Variants in SFMBT2 observed in about 807,000 individuals in gnomAD.
The protein encoded by SFMBT2 is scm-like with four MBT domains protein 2.
In SFMBT2, 38 loss-of-function variants were observed where a neutral mutation model predicts 110.1. That is an observed-to-expected ratio of 0.35 (90% CI 0.27 to 0.45). The LOEUF is 0.45. Ranked by LOEUF, SFMBT2 falls within the 20% of genes least tolerant of loss-of-function variation. The probability of loss-of-function intolerance (pLI) is 1.00; values close to 1 mark genes in which losing one functional copy is unlikely to be tolerated. For synonymous variants in SFMBT2, 425 were observed against 425.4 expected (o/e 1.00, Z 0.01); for missense variants, 1,011 against 1,094.9 (o/e 0.92, Z 1.08).
At chr10:7,350,429 C>A (rs1167297704) in intron 4 of SFMBT2, among the ~76,000 whole-genome samples, 1 of 152,190 alleles carries the variant, frequency 6.6e-6, no homozygotes, top group Non-Finnish European at 1.5e-5. Context: ...CTCTTCCGGG[C>A]CAGCCTTATT....
intron 4 of SFMBT2, among the ~76,000 whole-genome samples, chr10:7,337,892 A>T (rs1228870151): frequency 6.6e-6 from 1 of 152,214 alleles, no homozygotes; most frequent in East Asian, 1.9e-4. Flanking sequence ...TTAATCTTCA[A>T]ATACTTTCTG....
At chr10:7,333,002 G>A (rs780360552) in intron 4 of SFMBT2, among the ~76,000 whole-genome samples, 3 of 152,298 alleles carry the variant, frequency 2.0e-5, no homozygotes, top group Non-Finnish European at 4.4e-5. Flanking sequence ...GAGTAACTGG[G>A]ATTACAGGCG....
chr10:7,201,710 C>A (rs952292376), intron 13 of SFMBT2, among the ~76,000 whole-genome samples: 2 of 152,086 alleles, frequency 1.3e-5, no homozygotes, highest in Admixed American at 6.5e-5. Context: ...TACATTTTGG[C>A]GTATTTTAAA....
chr10:7,277,245 T>C (rs1841810722), intron 6 of SFMBT2: 1 of 153,486 alleles, frequency 6.5e-6, no homozygotes, highest in Admixed American at 6.5e-5. Context: ...TTGTATGCAT[T>C]TAGTTGGCAT....
At chr10:7,303,121 G>A (rs1318321630) in intron 4 of SFMBT2, among the ~76,000 whole-genome samples, 3 of 152,096 alleles carry the variant, frequency 2.0e-5, no homozygotes, top group Admixed American at 6.5e-5. Flanking sequence ...TATTGCATGT[G>A]GCAGTTCTTG....
At chr10:7,180,027 G>A (rs897959594) in intron 16 of SFMBT2, among the ~76,000 whole-genome samples, 1 of 152,250 alleles carries the variant, frequency 6.6e-6, no homozygotes, top group Middle Eastern at 3.2e-3. Flanking sequence ...TGGGGAAGCT[G>A]GCGGATGGCG....
intron 4 of SFMBT2, chr10:7,320,711 T>C (rs1291296692): frequency 6.0e-6 from 4 of 662,958 alleles, no homozygotes; most frequent in Admixed American, 6.3e-5. Flanking sequence ...CTAACCTCAG[T>C]GTTTTGCGGG....
At chr10:7,353,413 G>A (rs758749995) in intron 4 of SFMBT2, among the ~76,000 whole-genome samples, 7 of 151,488 alleles carry the variant, frequency 4.6e-5, no homozygotes, top group Admixed American at 6.6e-5. Context: ...ATCCAATGAC[G>A]GAAACAGAAA....
At position 7,163,989 on chromosome 10, in the gene SFMBT2, C is replaced by A; in HGVS notation, c.2545-79G>T. ...AGATGCGTCACAGCAGGCTCCAGTC[C>A]GGGGCCAAACATGACAACAGGATGC... On this transcript the variant is annotated intron_variant, in intron 20 of 20. Transcript: ENST00000397167. The surrounding 1 kb of genome is among the most constrained non-coding windows in gnomAD (Gnocchi z 4.8). 2 of 1,499,434 alleles carry A rather than the reference C, an allele frequency of 1.3e-6. No homozygotes were observed. Among genetic ancestry groups the A allele is most frequent in the South Asian group, 1.4e-5 (1 of 73,632 alleles). The allele number at this position is 1,499,434 out of a possible 1,614,324, so 92.9% of individuals were successfully genotyped here.
intron 7 of SFMBT2, among the ~76,000 whole-genome samples, chr10:7,272,023 C>T (rs888742872): frequency 6.6e-6 from 1 of 152,130 alleles, no homozygotes; most frequent in Admixed American, 6.5e-5. Context: ...AAGGGCGTTA[C>T]AGAAACATAA....
chr10:7,197,399 G>A, intron 15 of SFMBT2, 149 bp downstream of exon 15: 3 of 1,077,818 alleles, frequency 2.8e-6, no homozygotes, highest in Non-Finnish European at 4.0e-6. Flanking sequence ...TGTATCTCTG[G>A]CTTCAGCCCA....
At chr10:7,323,647 AT>A (rs1159745298) in intron 4 of SFMBT2, among the ~76,000 whole-genome samples, 3 of 152,062 alleles carry the variant, frequency 2.0e-5, no homozygotes, top group African/African-American at 7.2e-5. Flanking sequence ...TGCTGTGCAG[AT>A]TTTTTTAATT....
chr10:7,220,161 G>A (rs955428230), intron 11 of SFMBT2, among the ~76,000 whole-genome samples: 1 of 152,168 alleles, frequency 6.6e-6, no homozygotes, highest in Non-Finnish European at 1.5e-5. Flanking sequence ...GATGTAAAAA[G>A]ACCACTGTGT....
At chr10:7,390,542 T>A (rs1331529523) in intron 1 of SFMBT2, among the ~76,000 whole-genome samples, 1 of 152,168 alleles carries the variant, frequency 6.6e-6, no homozygotes, top group Admixed American at 6.5e-5. Flanking sequence ...GACTATTTGC[T>A]TTTTTTCATT....
chr10:7,172,440 G>A lies in SFMBT2; in HGVS notation c.2151+55C>T, dbSNP rs563644345. 165 of 1,610,436 alleles carry A rather than the reference G, an allele frequency of 1.0e-4. No homozygotes were observed. Among genetic ancestry groups the A allele is most frequent in the Admixed American group, 2.8e-4 (17 of 59,824 alleles). On this transcript the variant is annotated intron_variant, in intron 18 of 20. Transcript: ENST00000397167. The surrounding 1 kb of genome is among the most constrained non-coding windows in gnomAD (Gnocchi z 4.6). ...CTGCTGTGAAGCAGCCACACTTGCC[G>A]GCCAGGGCCAGATGACAGAGCTACA... is the stretch of plus-strand genomic sequence containing the variant.
At chr10:7,272,269 C>CT (rs998226376) in intron 7 of SFMBT2, among the ~76,000 whole-genome samples, 5 of 152,096 alleles carry the variant, frequency 3.3e-5, no homozygotes, top group Non-Finnish European at 5.9e-5. Context: ...AGTCCAGAGA[C>CT]TTTTTTTAAA....
chr10:7,296,601 C>T (rs1025062799), intron 4 of SFMBT2, among the ~76,000 whole-genome samples: 2 of 152,158 alleles, frequency 1.3e-5, no homozygotes, highest in Non-Finnish European at 2.9e-5. Flanking sequence ...CATTAACATG[C>T]CCTTAGGTAT....
chr10:7,302,867 T>C (rs1842590746), intron 4 of SFMBT2, among the ~76,000 whole-genome samples: 1 of 152,212 alleles, frequency 6.6e-6, no homozygotes, highest in Non-Finnish European at 1.5e-5. Flanking sequence ...CTCTCTCTTT[T>C]TCTTTCTTAT....
rs150839567 is a variant in SFMBT2, at chr10:7,370,368, G to C, written c.108C>G (p.Gly36=). 1.1e-4 allele frequency: 185 copies of C among 1,613,974 alleles called. No individual in the cohort carries two copies. The African/African-American group carries it at 2.0e-3, about 18-fold the overall frequency. Residue 36 remains glycine (G), a synonymous_variant, in exon 3 of 21, where the codon GGC becomes GGG. Transcript: ENST00000397167. The part of the protein sequence containing the change: ...NGNGDLDSEE[G]SSLEETGFNW... Reference sequence around the variant, plus strand: ...TAAAGCCAGTTTCCTCCAAGCTTGAGCCTTCTTCTGTTGAAAAACAAAAGA... The same window carrying C: ...TAAAGCCAGTTTCCTCCAAGCTTGACCCTTCTTCTGTTGAAAAACAAAAGA...
Sources: gnomAD v4.1 joint callset for allele counts (sites outside exome capture counted in the v4.1 genomes callset) on GRCh38, gnomAD v4.1.1 for gene constraint, Gnocchi (gnomAD v3.1) non-coding constraint, MANE v1.5 for transcripts, NCBI Gene and HGNC (gene_info 2026-07-23, HGNC 2026-07-21) for gene names.